The following CLNK variants were observed in gnomAD, a reference collection of about 807,000 sequenced individuals.
CLNK encodes cytokine-dependent hematopoietic cell linker.
Under a neutral mutation model 68.6 loss-of-function variants are expected in CLNK, and 74 were observed. That is an observed-to-expected ratio of 1.08 (90% CI 0.89 to 1.31). The LOEUF (loss-of-function observed/expected upper bound fraction) is 1.31. Ranked by LOEUF, CLNK falls within the 50% of genes most tolerant of loss-of-function variation. CLNK has a pLI of 0.00. For synonymous variants in CLNK, 198 were observed against 172.2 expected, an observed-to-expected ratio of 1.15 and a Z score of -1.17; for missense variants, 553 against 515.3, an observed-to-expected ratio of 1.07 and a Z score of -0.71.
At chr4:10,494,113 C>A (rs1297061434) in intron 18 of CLNK, among the ~76,000 whole-genome samples, 1 of 152,206 alleles carries the variant, frequency 6.6e-6, no homozygotes, top group East Asian at 1.9e-4. Flanking sequence ...TTCTGTATTT[C>A]ATTTCCAATT....
intron 11 of CLNK, among the ~76,000 whole-genome samples, chr4:10,539,236 G>A (rs1337342165): frequency 6.6e-6 from 1 of 152,234 alleles, no homozygotes; most frequent in Non-Finnish European, 1.5e-5. Context: ...CATTCCATGG[G>A]AGAGACAACA....
intron 2 of CLNK, among the ~76,000 whole-genome samples, chr4:10,651,542 C>G (rs1351483900): frequency 1.3e-5 from 2 of 152,184 alleles, no homozygotes; most frequent in Admixed American, 1.3e-4. Flanking sequence ...ACACTGGGGC[C>G]TGAATTTATG....
At chr4:10,608,697 A>G (rs16870534) in intron 2 of CLNK, among the ~76,000 whole-genome samples, 18,647 of 152,236 alleles carry the variant, frequency 0.12, 1,218 homozygotes, top group East Asian at 0.16. Context: ...TCTGAAGTCA[A>G]CTATGCATTA....
At chr4:10,640,102 C>G (rs1488501904) in intron 2 of CLNK, among the ~76,000 whole-genome samples, 3 of 152,092 alleles carry the variant, frequency 2.0e-5, no homozygotes, top group Non-Finnish European at 4.4e-5. Context: ...TTTCTGAAGC[C>G]TCTGCCAAAG....
At chr4:10,520,247 A>C (rs10001632) in intron 15 of CLNK, among the ~76,000 whole-genome samples, 148,560 of 152,346 alleles carry the variant, frequency 0.98, 72,491 homozygotes, top group East Asian at 1. Context: ...CAGATGTGAT[A>C]TCCTTCTGAT....
intron 2 of CLNK, among the ~76,000 whole-genome samples, chr4:10,651,089 T>C (rs1166820256): frequency 6.6e-6 from 1 of 152,222 alleles, no homozygotes; most frequent in Non-Finnish European, 1.5e-5. Flanking sequence ...GGGACGCTCT[T>C]ACACTGTTGG....
chr4:10,663,579 G>T (rs1724277285), intron 2 of CLNK, among the ~76,000 whole-genome samples: 1 of 152,092 alleles, frequency 6.6e-6, no homozygotes, highest in Admixed American at 6.5e-5. Flanking sequence ...GTGTGCATGT[G>T]CTTGTATTGT....
Position 10,563,801 on chromosome 4 carries a change from G to A in CLNK, c.399+870C>T, listed in dbSNP as rs1395272274. Among the ~76,000 whole-genome samples the A allele has an allele frequency of 3.9e-5, 6 of 152,284 alleles. No individual in the cohort carries two copies. In the East Asian group the frequency reaches 1.2e-3, roughly 29 times the overall value. ...GTGCACCTGTAATCCCAGCTATTCA[G>A]AAGGCCGAAGCAGGAGAACCACTTG... On this transcript the variant is annotated intron_variant, in intron 7 of 18. Transcript: ENST00000226951.
intron 2 of CLNK, among the ~76,000 whole-genome samples, chr4:10,657,140 G>A (rs181150647): frequency 5.9e-5 from 9 of 152,168 alleles, no homozygotes; most frequent in Non-Finnish European, 1.0e-4. Context: ...CTCATAGCTC[G>A]TAACTGGTAG....
chr4:10,732,507 C>A, the CLNK span, among the ~76,000 whole-genome samples: 1 of 152,166 alleles, frequency 6.6e-6, no homozygotes, highest in Non-Finnish European at 1.5e-5. Context: ...TTTCCACTGT[C>A]ACTGAGTGGT....
intron 3 of CLNK, among the ~76,000 whole-genome samples, chr4:10,588,840 A>G (rs1291135439): frequency 1.3e-5 from 2 of 151,940 alleles, no homozygotes; most frequent in Non-Finnish European, 2.9e-5. Flanking sequence ...ATTATATGGT[A>G]TATACTATAT....
chr4:10,530,108 C>T (rs932614892), intron 12 of CLNK, among the ~76,000 whole-genome samples: 2 of 151,484 alleles, frequency 1.3e-5, no homozygotes, highest in Admixed American at 6.6e-5. Flanking sequence ...TAGTTCAGAG[C>T]TAATTCTGTA....
chr4:10,674,026 G>A (rs1724770822), intron 1 of CLNK, among the ~76,000 whole-genome samples: 1 of 152,200 alleles, frequency 6.6e-6, no homozygotes, highest in South Asian at 2.1e-4. Flanking sequence ...TCTGTCAAAG[G>A]AATGACACTG....
chr4:10,708,054 A>G, the CLNK span, among the ~76,000 whole-genome samples: 1 of 152,196 alleles, frequency 6.6e-6, no homozygotes. Flanking sequence ...GGTTCCAGAC[A>G]ATGGAATAGA....
intron 2 of CLNK, among the ~76,000 whole-genome samples, chr4:10,601,963 A>T (rs2531181): frequency 0.68 from 104,172 of 152,088 alleles, 36,598 homozygotes; most frequent in East Asian, 0.77. Context: ...TGAGGTACAG[A>T]ACATCAGTGG....
intron 2 of CLNK, among the ~76,000 whole-genome samples, chr4:10,644,405 C>A (rs1723431297): frequency 6.6e-6 from 1 of 152,182 alleles, no homozygotes; most frequent in Non-Finnish European, 1.5e-5. Flanking sequence ...CTTGGTTAAA[C>A]CTCACAACTG....
chr4:10,513,272 T>C (rs1322209685), intron 16 of CLNK, among the ~76,000 whole-genome samples, 192 bp downstream of exon 16: 1 of 152,196 alleles, frequency 6.6e-6, no homozygotes, highest in African/African-American at 2.4e-5. Context: ...GAGAGACCAA[T>C]GTAATATGTT....
rs183720484 is a variant in CLNK at position 10,683,370 on chromosome 4, G to T, written c.-43+1298C>A. 3.1e-4 allele frequency among the ~76,000 whole-genome samples: 47 copies of T among 152,280 alleles called. No individual in the cohort carries two copies. In the Middle Eastern group the frequency reaches 0.01, roughly 33 times the overall value. ...CTTGCCTATACAGTCATCTGAGAGG[G>T]CTTGTTGGGAATAACAAAGAAATAC... On this transcript the variant is annotated intron_variant, in intron 1 of 18. Coordinates refer to ENST00000226951, the MANE Select transcript of CLNK (RefSeq NM_052964.4).
At chr4:10,507,161 G>C (rs1293905124) in intron 17 of CLNK, among the ~76,000 whole-genome samples, 5 of 151,640 alleles carry the variant, frequency 3.3e-5, no homozygotes, top group Admixed American at 2.0e-4. Flanking sequence ...GCCCAGGCTG[G>C]AGTGCAGTGG....
Sources: allele counts gnomAD v4.1 joint callset (sites outside exome capture counted in the v4.1 genomes callset), GRCh38; gene constraint gnomAD v4.1.1; transcripts MANE v1.5; gene names NCBI Gene and HGNC (gene_info 2026-07-23, HGNC 2026-07-21).